Variants in KCNH8 observed in about 807,000 individuals in gnomAD.
KCNH8 encodes potassium voltage-gated channel subfamily H member 8.
KCNH8 carries 70 observed loss-of-function variants against 103.6 expected under a neutral mutation model. That is an observed-to-expected ratio of 0.68 (90% confidence interval 0.56 to 0.82). KCNH8 has a LOEUF of 0.82. KCNH8 is among the 40% of genes least tolerant of loss of function. The pLI is 0.00. For synonymous variants in KCNH8, 498 were observed against 489.4 expected (o/e 1.02, Z -0.23); for missense variants, 1,217 against 1,329.9 (o/e 0.92, Z 1.32).
At position 19,201,491 on chromosome 3, in the gene KCNH8, T is replaced by G. The variant is rs371488351; in HGVS notation, c.77-52163T>G. ...ATGTCCGTTTTATACATAAGAAAAC[T>G]GTGGTTTAACAGTGAGAAAGGATCA... On this transcript the variant is annotated intron_variant, in intron 1 of 15. Transcript: ENST00000328405. 1.3e-3 allele frequency among the ~76,000 whole-genome samples: 198 copies of G among 152,152 alleles called. 4 individuals carry two copies. Among genetic ancestry groups the G allele is most frequent in the African/African-American group, 4.2e-3 (176 of 41,518 alleles).
At chr3:19,522,488 AC>A (rs2068989402) in intron 15 of KCNH8, among the ~76,000 whole-genome samples, 1 of 151,794 alleles carries the variant, frequency 6.6e-6, no homozygotes. Context: ...TTCTATTCAG[AC>A]CTTCAACTGA....
chr3:19,410,100 A>G (rs1172318890), intron 7 of KCNH8, among the ~76,000 whole-genome samples: 1 of 152,094 alleles, frequency 6.6e-6, no homozygotes, highest in African/African-American at 2.4e-5. Flanking sequence ...TGGACATGGA[A>G]CATACTCCAA....
chr3:19,303,507 T>G (rs1417481386), intron 3 of KCNH8, among the ~76,000 whole-genome samples: 2 of 152,100 alleles, frequency 1.3e-5, no homozygotes, highest in Admixed American at 1.3e-4. Flanking sequence ...TGGAAGTGAT[T>G]ATGACAGTAA....
rs577431266 is a variant in KCNH8 at position 19,293,725 on chromosome 3, A to G, written c.442+12396A>G. On this transcript the variant is annotated intron_variant, in intron 3 of 15. Coordinates refer to ENST00000328405, the MANE Select transcript of KCNH8 (RefSeq NM_144633.3). ...TTACTAAAAAGTTGGTTTTAATTGT[A>G]ATTGTTTTCTGTTCCACTAAAATGT... 3.3e-5 allele frequency among the ~76,000 whole-genome samples: 5 copies of G among 152,314 alleles called. No homozygotes were observed. The East Asian group carries it at 9.6e-4, about 29-fold the overall frequency.
chr3:19,292,694 G>T (rs545821332), intron 3 of KCNH8, among the ~76,000 whole-genome samples: 1 of 152,124 alleles, frequency 6.6e-6, no homozygotes, highest in Admixed American at 6.6e-5. Context: ...CTGCTCTGCT[G>T]TCCTTTATGT....
At chr3:19,461,191 G>A (rs1432859763) in intron 11 of KCNH8, among the ~76,000 whole-genome samples, 4 of 152,140 alleles carry the variant, frequency 2.6e-5, no homozygotes, top group African/African-American at 7.2e-5. Flanking sequence ...GACTCCTTAT[G>A]AGTTACATTT....
In KCNH8 at chr3:19,513,140, C is replaced by T. The variant is rs1157282121; in HGVS notation, c.2250C>T (p.Gly750=). Residue 750 remains glycine (G), a synonymous_variant, in exon 13 of 16, where the codon GGC becomes GGT. Transcript: ENST00000328405. ...KKVGSNKAYL[G]LSLKQLASGT... is the part of the protein sequence containing the mutation. ...TTGGAAGCAATAAAGCCTACCTGGG[C>T]TTAAGCTTAAAGCAACTGGCCTCGG... 1.2e-6 allele frequency: 2 copies of T among 1,613,954 alleles called. No homozygotes were observed. The highest frequency in any genetic ancestry group is 3.3e-5 in the Admixed American group (2 of 59,974).
At chr3:19,153,979 C>G (rs1281604348) in intron 1 of KCNH8, among the ~76,000 whole-genome samples, 1 of 152,110 alleles carries the variant, frequency 6.6e-6, no homozygotes, top group African/African-American at 2.4e-5. Context: ...TTACACAAAG[C>G]CATCATGCTA....
intron 1 of KCNH8, among the ~76,000 whole-genome samples, chr3:19,213,359 A>G (rs1462944223): frequency 2.6e-5 from 4 of 152,104 alleles, no homozygotes; most frequent in Non-Finnish European, 4.4e-5. Flanking sequence ...CTTTAAATAC[A>G]TCTCTAAACT....
intron 3 of KCNH8, among the ~76,000 whole-genome samples, chr3:19,299,666 T>A (rs916264313): frequency 6.6e-6 from 1 of 151,466 alleles, no homozygotes; most frequent in African/African-American, 2.4e-5. Context: ...AAAATAAAAA[T>A]AAAAAATAAA....
At chr3:19,315,392 T>G (rs1351562996) in intron 3 of KCNH8, among the ~76,000 whole-genome samples, 1 of 151,962 alleles carries the variant, frequency 6.6e-6, no homozygotes, top group Non-Finnish European at 1.5e-5. Context: ...CTGTGATAGC[T>G]CTACAAATGC....
Position 19,236,487 on chromosome 3 carries a change from ACACTG to A in KCNH8, c.77-17165_77-17161del, listed in dbSNP as rs541773292. 2.6e-3 allele frequency among the ~76,000 whole-genome samples: 394 copies of A among 152,304 alleles called. 1 individual carries two copies. Among genetic ancestry groups the A allele is most frequent in the Admixed American group, 5.2e-3 (80 of 15,296 alleles). On this transcript the variant is annotated intron_variant, in intron 1 of 15. Transcript: ENST00000328405. ...AGTAAGAAGGAAAACCCTGGTATGT[ACACTG>A]CGTGGTGTATGCTTTTGAGAGTTGA...
At chr3:19,479,646 G>C (rs979412996) in intron 11 of KCNH8, among the ~76,000 whole-genome samples, 1 of 152,130 alleles carries the variant, frequency 6.6e-6, no homozygotes, top group African/African-American at 2.4e-5. Context: ...CTCCAGATGA[G>C]TCTACAAGAG....
chr3:19,402,788 C>G (rs1344058238), intron 7 of KCNH8, among the ~76,000 whole-genome samples: 2 of 151,734 alleles, frequency 1.3e-5, no homozygotes, highest in African/African-American at 2.4e-5. Flanking sequence ...TTAGCTTAAA[C>G]GAGAAAGACA....
Position 19,395,099 on chromosome 3 carries a change from C to T in KCNH8, c.970-5C>T, listed in dbSNP as rs2066495366. Reference sequence around the variant, plus strand: ...CAAGTTGTGCTGCTCTGTCTCTTACCACAGGTGTCTCTCGTGCATCTTCTA... The same window carrying T: ...CAAGTTGTGCTGCTCTGTCTCTTACTACAGGTGTCTCTCGTGCATCTTCTA... On this transcript the variant is annotated splice_region_variant and splice_polypyrimidine_tract_variant and intron_variant, in intron 6 of 15. Coordinates refer to ENST00000328405, the MANE Select transcript of KCNH8 (RefSeq NM_144633.3). The T allele has an allele frequency of 8.7e-6, 14 of 1,609,466 alleles. No homozygotes were observed. Among genetic ancestry groups the T allele is most frequent in the Non-Finnish European group, 1.2e-5 (14 of 1,177,384 alleles).
At chr3:19,270,086 C>T (rs954758141) in intron 2 of KCNH8, among the ~76,000 whole-genome samples, 2 of 152,122 alleles carry the variant, frequency 1.3e-5, no homozygotes, top group Non-Finnish European at 2.9e-5. Flanking sequence ...TAGGCTTCTA[C>T]ATCAAATGTT....
At chr3:19,498,190 C>T (rs141821213) in intron 11 of KCNH8, among the ~76,000 whole-genome samples, 19 of 152,210 alleles carry the variant, frequency 1.2e-4, no homozygotes, top group African/African-American at 3.9e-4. Flanking sequence ...CTTCTTTCTC[C>T]GTGTTGCCAC....
At chr3:19,434,553 T>C (rs1453013337) in intron 7 of KCNH8, among the ~76,000 whole-genome samples, 3 of 152,190 alleles carry the variant, frequency 2.0e-5, no homozygotes, top group Non-Finnish European at 4.4e-5. Context: ...TTTCTTCCAG[T>C]GCTCTGCCTC....
chr3:19,159,030 T>C (rs2063208242), intron 1 of KCNH8, among the ~76,000 whole-genome samples: 1 of 151,908 alleles, frequency 6.6e-6, no homozygotes, highest in African/African-American at 2.4e-5. Context: ...TTCTGGCTTG[T>C]TGTTTGAGAG....
Sources: allele counts gnomAD v4.1 joint callset (sites outside exome capture counted in the v4.1 genomes callset), GRCh38; gene constraint gnomAD v4.1.1; transcripts MANE v1.5; gene names NCBI Gene and HGNC (gene_info 2026-07-23, HGNC 2026-07-21).